SSH1: variants seen among roughly 807,000 people sequenced by gnomAD.
SSH1 encodes the protein protein phosphatase Slingshot homolog 1.
Under a neutral mutation model 79.7 loss-of-function variants are expected in SSH1, and 43 were observed. The observed-to-expected ratio is 0.54, with a 90% CI of 0.42 to 0.70. The LOEUF is 0.70. Ranked by LOEUF, SSH1 falls within the 30% of genes least tolerant of loss-of-function variation. The pLI is 0.00. For synonymous variants in SSH1, 599 were observed against 538.3 expected (o/e 1.11, Z -1.56); for missense variants, 1,206 against 1,358.8 (o/e 0.89, Z 1.77).
intron 2 of SSH1, among the ~76,000 whole-genome samples, chr12:108,846,408 C>T (rs1342140608): frequency 2.0e-5 from 3 of 152,202 alleles, no homozygotes; most frequent in African/African-American, 7.2e-5. Context: ...AGCCAGCTCC[C>T]GGGATGGCAA....
intron 4 of SSH1, among the ~76,000 whole-genome samples, chr12:108,817,562 G>A (rs1228310746): frequency 6.6e-6 from 1 of 152,202 alleles, no homozygotes; most frequent in African/African-American, 2.4e-5. Context: ...GCGACAGAGT[G>A]AGATTCTGTC....
chr12:108,792,202 C>T, intron 14 of SSH1, 84 bp downstream of exon 14: 4 of 1,604,774 alleles, frequency 2.5e-6, no homozygotes, highest in Non-Finnish European at 3.4e-6. Flanking sequence ...TGCCTGTAGT[C>T]CCTACTACAG....
At position 108,783,593 on chromosome 12, in the gene SSH1, C is replaced by G. The variant is rs1041531068; in HGVS notation, c.*4395G>C. On this transcript the variant is annotated 3_prime_UTR_variant, in exon 15 of 15. Transcript: ENST00000326495. ...GAAGCCGGGGCCCCAGCACCTATGGCCAAACAAGAAGACGGCAGTCTCTCC... is the reference window on the plus strand; with the variant it reads ...GAAGCCGGGGCCCCAGCACCTATGGGCAAACAAGAAGACGGCAGTCTCTCC... 2 of 152,192 alleles carry G rather than the reference C, an allele frequency of 1.3e-5. No individual in the cohort carries two copies. Among genetic ancestry groups the G allele is most frequent in the African/African-American group, 4.8e-5 (2 of 41,442 alleles). The allele number at this position is 152,192 out of a possible 1,614,324, so 9.4% of individuals were successfully genotyped here.
At chr12:108,851,795 A>T (rs919042993) in intron 2 of SSH1, among the ~76,000 whole-genome samples, 1 of 152,240 alleles carries the variant, frequency 6.6e-6, no homozygotes, top group Non-Finnish European at 1.5e-5. Context: ...TCAAATCAGC[A>T]AAGTGCTTAC....
At chr12:108,796,728 A>C (rs976104614) in intron 13 of SSH1, among the ~76,000 whole-genome samples, 3 of 151,924 alleles carry the variant, frequency 2.0e-5, no homozygotes, top group Admixed American at 6.6e-5. Flanking sequence ...TGGAATTGCT[A>C]GATGATATAA....
At chr12:108,845,364 T>C (rs1311081596) in intron 2 of SSH1, among the ~76,000 whole-genome samples, 1 of 151,938 alleles carries the variant, frequency 6.6e-6, no homozygotes, top group Non-Finnish European at 1.5e-5. Flanking sequence ...TCCTGACCCA[T>C]GGAAGCTGTG....
chr12:108,801,077 T>C (rs1272112105), intron 11 of SSH1, 151 bp from the exon 12 acceptor site: 4 of 750,716 alleles, frequency 5.3e-6, no homozygotes, highest in Non-Finnish European at 8.7e-6. Flanking sequence ...CCTTAATAGC[T>C]ATGTTTTTTG....
intron 2 of SSH1, among the ~76,000 whole-genome samples, chr12:108,836,577 G>A (rs1566013379): frequency 6.6e-6 from 1 of 152,208 alleles, no homozygotes; most frequent in Non-Finnish European, 1.5e-5. Flanking sequence ...CAATTTAAGA[G>A]CAGATTATAA....
chr12:108,830,758 C>G (rs974599245), intron 2 of SSH1, among the ~76,000 whole-genome samples: 1 of 152,048 alleles, frequency 6.6e-6, no homozygotes, highest in Admixed American at 6.6e-5. Context: ...CTAAGGGAGA[C>G]GCTGCATCAT....
Position 108,787,933 on chromosome 12 carries a change from G to T in SSH1, c.*55C>A. 6.2e-7 allele frequency: 1 copy of T among 1,605,442 alleles called. No individual in the cohort carries two copies. ...GGGTCGATCCAAATCCACAGTGAAA[G>T]TGAGGGAGGGATCATATGAAAATAT... is the stretch of plus-strand genomic sequence containing the variant. On this transcript the variant is annotated 3_prime_UTR_variant, in exon 15 of 15. Transcript: ENST00000326495.
intron 2 of SSH1, chr12:108,827,325 G>T: frequency 6.4e-7 from 1 of 1,550,986 alleles, no homozygotes; most frequent in Non-Finnish European, 8.7e-7. Flanking sequence ...AGATGCAGAA[G>T]TCGGTAAAAT....
In SSH1 at chr12:108,806,606, C is replaced by G. The variant is rs115227357; in HGVS notation, c.732-212G>C. ...CCACGGGAGTCAACAGAGCAGGGAG[C>G]AGGTCAAGCGGGGAGAGGACAGTGT... On this transcript the variant is annotated intron_variant, in intron 8 of 14. Transcript: ENST00000326495. Among the ~76,000 whole-genome samples the G allele has an allele frequency of 9.1e-3, 1,385 of 152,276 alleles. 23 individuals carry two copies. Among genetic ancestry groups the G allele is most frequent in the African/African-American group, 0.032 (1,336 of 41,554 alleles).
At chr12:108,808,176 G>A (rs1199049324) in intron 7 of SSH1, among the ~76,000 whole-genome samples, 1 of 152,178 alleles carries the variant, frequency 6.6e-6, no homozygotes, top group Non-Finnish European at 1.5e-5. Context: ...AGCCTCAAGT[G>A]ATCTGCCCGC....
intron 7 of SSH1, 94 bp downstream of exon 7, chr12:108,809,599 G>A (rs879173441): frequency 7.6e-6 from 8 of 1,058,508 alleles, no homozygotes; most frequent in South Asian, 7.5e-5. Flanking sequence ...ATGCACATAC[G>A]TAACGAGCTT....
Position 108,818,695 on chromosome 12 carries a change from T to C in SSH1, c.215-382A>G, listed in dbSNP as rs1438178785. Among the ~76,000 whole-genome samples, 10 of 152,340 alleles carry C rather than the reference T, an allele frequency of 6.6e-5. No homozygotes were observed. The East Asian group carries it at 1.9e-3, about 29-fold the overall frequency. ...TAGAAACGACAGCTGTGGCTGGAAG[T>C]AAGGCATTTGCTAAGAGTTAATCAT... On this transcript the variant is annotated intron_variant, in intron 3 of 14. Transcript: ENST00000326495.
At position 108,786,339 on chromosome 12, in the gene SSH1, G is replaced by T. The variant is rs78866567; in HGVS notation, c.*1649C>A. ...AACCTACTCCATCCTGCACAGGTGA[G>T]GCTAGTGCGGGGCTGGCAAAGCTTG... On this transcript the variant is annotated 3_prime_UTR_variant, in exon 15 of 15. Coordinates refer to ENST00000326495, the MANE Select transcript of SSH1 (RefSeq NM_018984.4). 12,438 of 152,392 alleles carry T rather than the reference G, an allele frequency of 0.082. 706 individuals carry two copies. The highest frequency in any genetic ancestry group is 0.31 in the East Asian group (1,601 of 5,184). 9.4% of individuals were successfully genotyped at this position (152,392 alleles called of 1,614,324 possible). A position where few individuals can be genotyped will look rare whatever the true frequency, so the allele number is the denominator to read the frequency against.
At chr12:108,830,527 A>G (rs1394663565) in intron 2 of SSH1, among the ~76,000 whole-genome samples, 1 of 152,186 alleles carries the variant, frequency 6.6e-6, no homozygotes, top group Non-Finnish European at 1.5e-5. Context: ...TGGGCTTCAT[A>G]AAGATACCTC....
At chr12:108,839,375 G>A (rs2038720734) in intron 2 of SSH1, among the ~76,000 whole-genome samples, 1 of 152,218 alleles carries the variant, frequency 6.6e-6, no homozygotes, top group South Asian at 2.1e-4. Flanking sequence ...TAGACTCCCA[G>A]CTGCAACAGA....
In SSH1 at chr12:108,792,841, G is replaced by T. The variant is rs763054009; in HGVS notation, c.1350-12C>A. The T allele has an allele frequency of 1.2e-6, 2 of 1,612,884 alleles. No individual in the cohort carries two copies. Among genetic ancestry groups the T allele is most frequent in the South Asian group, 2.2e-5 (2 of 91,040 alleles). Reference sequence around the variant, plus strand: ...TGTGCCGCTGTTTGCTGCGGGGAGAGAGGGTAGAGGAAGGTGAGGGGAGGA... The same window carrying T: ...TGTGCCGCTGTTTGCTGCGGGGAGATAGGGTAGAGGAAGGTGAGGGGAGGA... On this transcript the variant is annotated splice_polypyrimidine_tract_variant and intron_variant, in intron 13 of 14. Transcript: ENST00000326495.
Sources: allele counts gnomAD v4.1 joint callset (sites outside exome capture counted in the v4.1 genomes callset), GRCh38; gene constraint gnomAD v4.1.1; transcripts MANE v1.5; gene names NCBI Gene and HGNC (gene_info 2026-07-23, HGNC 2026-07-21).